The following ZNF410 variants were observed in gnomAD, a reference collection of about 807,000 sequenced individuals.
ZNF410 encodes another partner for ARF 1.
Under a neutral mutation model 54.8 loss-of-function variants are expected in ZNF410, and 18 were observed. That is an observed-to-expected ratio of 0.33 (90% CI 0.23 to 0.49). The LOEUF (loss-of-function observed/expected upper bound fraction) is 0.49, where lower values mean the gene tolerates loss of function less well. Ranked by LOEUF, ZNF410 falls within the 20% of genes least tolerant of loss-of-function variation. The pLI is 0.99. For synonymous variants in ZNF410, 191 were observed against 207.3 expected (o/e 0.92, Z 0.68); for missense variants, 405 against 569.6 (o/e 0.71, Z 2.94).
rs1398271460 is a variant in ZNF410, at chr14:73,886,872, A to G, written c.-193A>G. On this transcript the variant is annotated 5_prime_UTR_variant, in exon 1 of 12. Transcript: ENST00000555044. ...CCGGAAGACGCTGTGTGTGGACGGA[A>G]TTCGGGACCGACTGACGGCCGGCCG... 1 of 152,842 alleles carries G rather than the reference A, an allele frequency of 6.5e-6. No individual in the cohort carries two copies. The highest frequency in any genetic ancestry group is 1.5e-5 in the Non-Finnish European group (1 of 68,194). 9.5% of individuals were successfully genotyped at this position (152,842 alleles called of 1,614,324 possible). A position where few individuals can be genotyped will look rare whatever the true frequency, so the allele number is the denominator to read the frequency against.
intron 8 of ZNF410, among the ~76,000 whole-genome samples, chr14:73,918,264 G>T (rs2055699411): frequency 6.6e-6 from 1 of 151,638 alleles, no homozygotes; most frequent in South Asian, 2.1e-4. Context: ...GCATGTGCCT[G>T]GCTAATTTTT....
At position 73,909,440 on chromosome 14, in the gene ZNF410, C is replaced by T. The variant is rs575319287; in HGVS notation, c.1003+10C>T. On this transcript the variant is annotated intron_variant, in intron 8 of 11. Transcript: ENST00000555044. The stretch of plus-strand genomic sequence containing the variant: ...CTGGTGGTTCACTCAGGTATCAGAA[C>T]CTCTGCCATTCATAGATTTTAGGAA... The T allele has an allele frequency of 1.9e-6, 3 of 1,609,718 alleles. No individual in the cohort carries two copies. The highest frequency in any genetic ancestry group is 1.1e-5 in the South Asian group (1 of 90,648).
rs778247415 is a variant in ZNF410, at chr14:73,905,090, GCA to G, written c.913+8_913+9del. ...CACCGGCGCATCCACACAGGTGTGT[GCA>G]GCACCAACATTCCTTTGGGCAGTCT... is the stretch of plus-strand genomic sequence containing the variant. On this transcript the variant is annotated splice_region_variant and intron_variant, in intron 7 of 11. Transcript: ENST00000555044. 1 of 1,611,230 alleles carries G rather than the reference GCA, an allele frequency of 6.2e-7. No homozygotes were observed. Among genetic ancestry groups the G allele is most frequent in the African/African-American group, 1.3e-5 (1 of 74,798 alleles).
chr14:73,914,433 C>T (rs2055632119), intron 8 of ZNF410: 2 of 152,482 alleles, frequency 1.3e-5, no homozygotes, highest in African/African-American at 2.4e-5. Context: ...CTTGGCCTCC[C>T]AAAGTGCTGG....
intron 9 of ZNF410, among the ~76,000 whole-genome samples, chr14:73,921,510 C>T (rs2055754076): frequency 1.3e-5 from 2 of 152,142 alleles, no homozygotes; most frequent in African/African-American, 4.8e-5. Flanking sequence ...TGGAGTCTTG[C>T]TTTGTCACCC....
chr14:73,903,248 A>G (rs964384201), intron 5 of ZNF410, among the ~76,000 whole-genome samples: 11 of 152,038 alleles, frequency 7.2e-5, no homozygotes, highest in African/African-American at 2.7e-4. Context: ...CAGAGTTTTT[A>G]TTACTCAGAA....
In ZNF410 at chr14:73,904,044, C is replaced by T; in HGVS notation, c.665C>T (p.Thr222Ile). ...CAAGTGGAAAAGAAGCTCAAGTGTA[C>T]AGTTGAAGGTTGTGACCGGACATTT... ...LPQVEKKLKC[T>I]VEGCDRTFVW... is the part of the protein sequence containing the mutation. Residue 222 changes from threonine (T) to isoleucine (I), a missense_variant, in exon 6 of 12, where the codon ACA becomes ATA. By Grantham distance (89) the Thr-to-Ile change is moderately conservative. Coordinates refer to ENST00000555044, the MANE Select transcript of ZNF410 (RefSeq NM_021188.3). 6.2e-7 allele frequency: 1 copy of T among 1,614,126 alleles called. No individual in the cohort carries two copies. Among genetic ancestry groups the T allele is most frequent in the Non-Finnish European group, 8.5e-7 (1 of 1,180,032 alleles).
intron 8 of ZNF410, among the ~76,000 whole-genome samples, chr14:73,912,084 C>T (rs1228706563): frequency 1.3e-5 from 2 of 151,748 alleles, no homozygotes; most frequent in African/African-American, 4.8e-5. Context: ...TCAGGAAGCT[C>T]ACAGTGCTTG....
intron 2 of ZNF410, among the ~76,000 whole-genome samples, chr14:73,893,067 G>C (rs1020200198): frequency 3.9e-5 from 6 of 152,074 alleles, no homozygotes; most frequent in African/African-American, 1.4e-4. Flanking sequence ...GGGCAACAGA[G>C]CAAGACTCTG....
intron 5 of ZNF410, among the ~76,000 whole-genome samples, chr14:73,900,439 A>G (rs893790993): frequency 2.0e-5 from 3 of 151,274 alleles, no homozygotes; most frequent in African/African-American, 7.3e-5. Flanking sequence ...CAGCGGCGCA[A>G]TCTCGGCTCA....
intron 11 of ZNF410, 63 bp downstream of exon 11, chr14:73,923,585 G>T (rs2055786511): frequency 6.4e-7 from 1 of 1,553,866 alleles, no homozygotes; most frequent in African/African-American, 1.4e-5. Flanking sequence ...TGAGAATTTA[G>T]AGGACCTGAA....
rs1479331927 is a variant in ZNF410, at chr14:73,922,124, G to C, written c.1188G>C (p.Leu396=). 6.2e-7 allele frequency: 1 copy of C among 1,614,090 alleles called. No homozygotes were observed. The highest frequency in any genetic ancestry group is 8.5e-7 in the Non-Finnish European group (1 of 1,180,016). The part of the protein sequence containing the change: ...LEEASVPSKN[L]VSMNSQPSLG... ...AGGCTTCAGTACCCAGTAAAAACCT[G>C]GTGTCTATGAATTCCCAGCCCAGCC... Residue 396 remains leucine (L), a synonymous_variant, in exon 10 of 12, where the codon CTG becomes CTC. Transcript: ENST00000555044.
intron 8 of ZNF410, chr14:73,916,291 A>ATGCCACAGTTTCT (rs1177823402): frequency 6.6e-6 from 1 of 152,190 alleles, no homozygotes; most frequent in East Asian, 1.9e-4. Flanking sequence ...AGTGATTCTC[A>ATGCCACAGTTTCT]TGCCACAGTT....
intron 8 of ZNF410, among the ~76,000 whole-genome samples, chr14:73,919,290 C>T (rs1012143988): frequency 5.3e-5 from 8 of 151,950 alleles, no homozygotes; most frequent in Admixed American, 1.3e-4. Flanking sequence ...AACCACTGCA[C>T]CTGGCTAAAA....
At chr14:73,896,565 A>G in intron 4 of ZNF410, 31 bp downstream of exon 4, 1 of 1,573,816 alleles carries the variant, frequency 6.4e-7, no homozygotes. Flanking sequence ...GGCTCTGCTT[A>G]TGCCTAAGAA....
chr14:73,905,938 T>TAC (rs1807697865), intron 7 of ZNF410, among the ~76,000 whole-genome samples: 1 of 78,058 alleles, frequency 1.3e-5, no homozygotes. Flanking sequence ...CATACATACA[T>TAC]ATATATACAC....
Position 73,904,927 on chromosome 14 carries a change from G to T in ZNF410, c.757G>T (p.Ala253Ser). The T allele has an allele frequency of 6.2e-7, 1 of 1,614,126 alleles. No homozygotes were observed. Among genetic ancestry groups the T allele is most frequent in the Non-Finnish European group, 8.5e-7 (1 of 1,180,020 alleles). ...HRNDRSFICP[A>S]EGCGKSFYVL... is the part of the protein sequence containing the mutation. ...AAATGACCGCTCCTTCATCTGTCCTGCAGAAGGTTGTGGGAAAAGCTTCTA... is the reference window on the plus strand; with the variant it reads ...AAATGACCGCTCCTTCATCTGTCCTTCAGAAGGTTGTGGGAAAAGCTTCTA... Residue 253 changes from alanine (A) to serine (S), a missense_variant, in exon 7 of 12, where the codon GCA (alanine) becomes TCA (serine). Ala to Ser is a moderately conservative substitution (Grantham distance 99, BLOSUM62 1). This residue lies in a region of ZNF410 where 247 missense variants were observed against 342.8 expected (regional missense o/e 0.72). Transcript: ENST00000555044.
intron 7 of ZNF410, among the ~76,000 whole-genome samples, chr14:73,905,991 A>ATATATATATATATATATATATATG (rs1491231212): frequency 5.0e-4 from 71 of 141,690 alleles, no homozygotes; most frequent in African/African-American, 1.3e-3. Context: ...ATATATATAT[A>ATATATATATATATATATATATATG]TATACACACA....
chr14:73,910,753 C>CAAAAAA (rs755623044), intron 8 of ZNF410, among the ~76,000 whole-genome samples: 1 of 70,840 alleles, frequency 1.4e-5, no homozygotes, highest in African/African-American at 5.6e-5. Context: ...AACTCCGTCT[C>CAAAAAA]AAAAAAAAAA....
Sources: gnomAD v4.1 joint callset for allele counts (sites outside exome capture counted in the v4.1 genomes callset) on GRCh38, gnomAD v4.1.1 for gene constraint, gnomAD v4.1.1 regional missense constraint, MANE v1.5 for transcripts, NCBI Gene and HGNC (gene_info 2026-07-23, HGNC 2026-07-21) for gene names.